The following THG1L variants were observed in gnomAD, a reference collection of about 807,000 sequenced individuals.
THG1L encodes the protein probable tRNA(His) guanylyltransferase.
THG1L carries 27 observed loss-of-function variants against 35.2 expected under a neutral mutation model. That is an observed-to-expected ratio of 0.77 (90% CI 0.57 to 1.06). The LOEUF (loss-of-function observed/expected upper bound fraction) is 1.06, where lower values mean the gene tolerates loss of function less well. THG1L is among the 50% of genes least tolerant of loss of function. The pLI, the probability that THG1L is intolerant of heterozygous loss-of-function variation, is 0.00. For synonymous variants in THG1L, 135 were observed against 132.4 expected (o/e 1.02, Z -0.14); for missense variants, 377 against 371.8 (o/e 1.01, Z -0.12).
At chr5:157,736,856 A>C (rs1022440562) in intron 4 of THG1L, among the ~76,000 whole-genome samples, 7 of 152,246 alleles carry the variant, frequency 4.6e-5, no homozygotes, top group African/African-American at 1.7e-4. Flanking sequence ...GCACATTGTA[A>C]GTGCTTAATA....
chr5:157,736,036 C>T (rs984105393), intron 4 of THG1L, 102 bp downstream of exon 4: 1 of 747,246 alleles, frequency 1.3e-6, no homozygotes, highest in African/African-American at 1.9e-5. Context: ...CTTTTAAGAT[C>T]CCTGTACAGC....
chr5:157,733,953 C>T (rs986690160), intron 2 of THG1L, among the ~76,000 whole-genome samples: 3 of 152,234 alleles, frequency 2.0e-5, no homozygotes, highest in African/African-American at 7.2e-5. Context: ...GCCTGAGGGA[C>T]AGAGAGATTC....
intron 2 of THG1L, 65 bp from the exon 3 acceptor site, chr5:157,734,511 G>A: frequency 1.3e-6 from 2 of 1,582,798 alleles, no homozygotes; most frequent in Non-Finnish European, 1.7e-6. Context: ...TCTTATCATG[G>A]TGTTGAACTA....
At position 157,737,881 on chromosome 5, in the gene THG1L, T is replaced by C. The variant is rs2270813; in HGVS notation, c.628-6T>C. 0.65 allele frequency: 1,039,380 copies of C among 1,607,136 alleles called. 338,779 individuals are homozygous for C. The highest frequency in any genetic ancestry group is 0.8 in the East Asian group (35,711 of 44,696). On this transcript the variant is annotated splice_region_variant and splice_polypyrimidine_tract_variant and intron_variant, in intron 4 of 5. Transcript: ENST00000231198. ...GAGCTTTTAATATCTATTTTTATTTTCTCAGGGAACTCTTGCAGCAGACAA... is the reference window on the plus strand; with the variant it reads ...GAGCTTTTAATATCTATTTTTATTTCCTCAGGGAACTCTTGCAGCAGACAA...
rs1400509115 is a variant in THG1L at position 157,731,508 on chromosome 5, A to T, written c.68A>T (p.Tyr23Phe). ...ACCATTTCCATCACTCTGAGACGGTACCTGAGATTGGGGGCGACCATGGCA... is the reference window on the plus strand; with the variant it reads ...ACCATTTCCATCACTCTGAGACGGTTCCTGAGATTGGGGGCGACCATGGCA... ...LATISITLRR[Y>F]LRLGATMAKS... The change falls in exon 1 of 6, where the codon TAC becomes TTC. Residue 23 changes from tyrosine to phenylalanine, a missense_variant. Tyr to Phe is a conservative substitution (Grantham distance 22). Transcript: ENST00000231198. The T allele has an allele frequency of 1.2e-6, 2 of 1,613,008 alleles. No homozygotes were observed. Among genetic ancestry groups the T allele is most frequent in the African/African-American group, 2.7e-5 (2 of 74,888 alleles).
chr5:157,733,257 C>T (rs1295064496), intron 2 of THG1L, among the ~76,000 whole-genome samples: 1 of 152,106 alleles, frequency 6.6e-6, no homozygotes, highest in Non-Finnish European at 1.5e-5. Context: ...CCCACATGCC[C>T]CATAAGATTG....
intron 1 of THG1L, among the ~76,000 whole-genome samples, chr5:157,732,487 A>G (rs751957987): frequency 2.0e-5 from 3 of 152,066 alleles, no homozygotes; most frequent in East Asian, 1.9e-4. Context: ...TAACAGAAAG[A>G]TGGGAATTTA....
At position 157,734,559 on chromosome 5, in the gene THG1L, T is replaced by G. The variant is rs1169940664; in HGVS notation, c.369-17T>G. ...TTTCTTTTTCTTACTCCACCCAATG[T>G]GCGTTACATTTTCAAGTAAGTTCAT... On this transcript the variant is annotated splice_polypyrimidine_tract_variant and intron_variant, in intron 2 of 5. Coordinates refer to ENST00000231198, the MANE Select transcript of THG1L (RefSeq NM_017872.5). The G allele has an allele frequency of 1.9e-6, 3 of 1,613,262 alleles. No individual in the cohort carries two copies. Among genetic ancestry groups the G allele is most frequent in the Non-Finnish European group, 2.5e-6 (3 of 1,179,464 alleles).
rs1165034842 is a variant in THG1L at position 157,741,023 on chromosome 5, T to A, written c.*1541T>A. 1 of 151,444 alleles carries A rather than the reference T, an allele frequency of 6.6e-6. No homozygotes were observed. The highest frequency in any genetic ancestry group is 2.4e-5 in the African/African-American group (1 of 41,158). The allele number at this position is 151,444 out of a possible 1,614,324, so 9.4% of individuals were successfully genotyped here. A position where few individuals can be genotyped will look rare whatever the true frequency, so the allele number is the denominator to read the frequency against. On this transcript the variant is annotated 3_prime_UTR_variant, in exon 6 of 6. Transcript: ENST00000231198. ...GAGTCCAAGACCAGCACGTCCAACA[T>A]GGCAAAACCCAGTCTGTACTAAAAA... is the stretch of plus-strand genomic sequence containing the variant.
At position 157,739,422 on chromosome 5, in the gene THG1L, C is replaced by T. The variant is rs201995850; in HGVS notation, c.837C>T (p.Cys279=). 9.3e-6 allele frequency: 15 copies of T among 1,613,484 alleles called. No individual in the cohort carries two copies. The East Asian group carries it at 1.6e-4, about 17-fold the overall frequency. Residue 279 remains cysteine (C), a synonymous_variant, in exon 6 of 6, where the codon TGC becomes TGT. Coordinates refer to ENST00000231198, the MANE Select transcript of THG1L (RefSeq NM_017872.5). ...RTRTKPVPLH[C]DIIGDAFWKE... ...GGACAAAGCCAGTGCCCTTGCACTG[C>T]GATATCATCGGGGATGCTTTCTGGA...
intron 3 of THG1L, 45 bp downstream of exon 3, chr5:157,734,790 A>G (rs1231817163): frequency 1.9e-6 from 3 of 1,610,000 alleles, no homozygotes; most frequent in South Asian, 1.1e-5. Context: ...CACCAATTCC[A>G]TGTCTTACAG....
intron 5 of THG1L, chr5:157,738,652 C>T: frequency 2.3e-6 from 1 of 435,308 alleles, no homozygotes; most frequent in South Asian, 1.7e-5. Flanking sequence ...GCTAGTCATT[C>T]CACTGGCAAC....
chr5:157,731,723 A>C, intron 1 of THG1L, 92 bp downstream of exon 1: 2 of 1,475,820 alleles, frequency 1.4e-6, no homozygotes, highest in South Asian at 1.3e-5. Context: ...CGCTCCAGTC[A>C]CGGTTACCAG....
At chr5:157,734,980 C>T (rs926668735) in intron 3 of THG1L, among the ~76,000 whole-genome samples, 4 of 151,144 alleles carry the variant, frequency 2.6e-5, no homozygotes, top group Admixed American at 2.0e-4. Flanking sequence ...TCTTGTTGCC[C>T]AGGCTGGAAT....
intron 4 of THG1L, 64 bp downstream of exon 4, chr5:157,735,998 T>A: frequency 9.9e-7 from 1 of 1,015,096 alleles, no homozygotes; most frequent in Non-Finnish European, 1.5e-6. Flanking sequence ...CTCCCATAAC[T>A]TTTTTTTTGT....
At chr5:157,733,991 A>T (rs1228278068) in intron 2 of THG1L, among the ~76,000 whole-genome samples, 1 of 152,208 alleles carries the variant, frequency 6.6e-6, no homozygotes, top group African/African-American at 2.4e-5. Flanking sequence ...AATAAAATTT[A>T]AAAATACCCC....
rs1760980817 is a variant in THG1L at position 157,739,525 on chromosome 5, C to G, written c.*43C>G. The G allele has an allele frequency of 6.3e-7, 1 of 1,578,234 alleles. No homozygotes were observed. Among genetic ancestry groups the G allele is most frequent in the African/African-American group, 1.4e-5 (1 of 73,782 alleles). ...TCTGGTGTGCTTAACCATGCAAGCC[C>G]TCCCACCTCCCAGGGCTCCTTGCCT... On this transcript the variant is annotated 3_prime_UTR_variant, in exon 6 of 6. Coordinates refer to ENST00000231198, the MANE Select transcript of THG1L (RefSeq NM_017872.5).
At position 157,737,960 on chromosome 5, in the gene THG1L, T is replaced by G; in HGVS notation, c.701T>G (p.Met234Arg). Residue 234 changes from methionine to arginine, a missense_variant, in exon 5 of 6, where the codon ATG becomes AGG. Transcript: ENST00000231198. Reference protein sequence around the residue: ...FNINYNNELPMYRKGTVLIWQ... With the variant: ...FNINYNNELPRYRKGTVLIWQ... The stretch of plus-strand genomic sequence containing the variant: ...ATCAACTATAATAATGAGCTGCCGA[T>G]GTATAGGAAAGGGACTGTGTTGATA... 11 of 1,613,176 alleles carry G rather than the reference T, an allele frequency of 6.8e-6. No individual in the cohort carries two copies. The highest frequency in any genetic ancestry group is 9.3e-6 in the Non-Finnish European group (11 of 1,179,508).
In THG1L at chr5:157,734,729, C is replaced by T; in HGVS notation, c.522C>T (p.Ser174=). The change falls in exon 3 of 6, where the codon AGC becomes AGT. Residue 174 remains serine, a synonymous_variant. Transcript: ENST00000231198. ...PSNQTLKDYL[S]WRQADCHINN... is the part of the protein sequence containing the mutation. ...ACCAGACTTTAAAGGACTACCTCAG[C>T]TGGCGACAAGCAGATTGTGAGTGGC... is the stretch of plus-strand genomic sequence containing the variant. 1 of 1,614,152 alleles carries T rather than the reference C, an allele frequency of 6.2e-7. No homozygotes were observed. Among genetic ancestry groups the T allele is most frequent in the Non-Finnish European group, 8.5e-7 (1 of 1,180,040 alleles).
Sources: gnomAD v4.1 joint callset for allele counts (sites outside exome capture counted in the v4.1 genomes callset) on GRCh38, gnomAD v4.1.1 for gene constraint, MANE v1.5 for transcripts, NCBI Gene and HGNC (gene_info 2026-07-23, HGNC 2026-07-21) for gene names.